The following PCDH15 variants were observed in gnomAD, a reference collection of about 807,000 sequenced individuals.
The protein encoded by PCDH15 is protocadherin related 15.
Under a neutral mutation model 178.5 loss-of-function variants are expected in PCDH15, and 129 were observed. The ratio of observed to expected loss-of-function variants is 0.72; its 90% CI spans 0.63 to 0.84. PCDH15 has a LOEUF of 0.84. PCDH15 is among the 40% of genes least tolerant of loss of function. The pLI is 0.00. For synonymous variants in PCDH15, 800 were observed against 732.0 expected (o/e 1.09, Z -1.50); for missense variants, 2,230 against 2,099.9 (o/e 1.06, Z -1.21).
intron 2 of PCDH15, among the ~76,000 whole-genome samples, chr10:55,113,272 T>C (rs760939279): frequency 1.3e-5 from 2 of 152,220 alleles, no homozygotes; most frequent in Non-Finnish European, 2.9e-5. Context: ...CATATTTTCT[T>C]GGTGTTTTCC....
chr10:54,107,928 G>T (rs973314898), intron 15 of PCDH15, among the ~76,000 whole-genome samples: 2 of 152,194 alleles, frequency 1.3e-5, no homozygotes, highest in Admixed American at 1.3e-4. Flanking sequence ...TTAGGACTGG[G>T]TCAGAATGGG....
chr10:53,815,396 T>A (rs1462687555), intron 35 of PCDH15, among the ~76,000 whole-genome samples: 1 of 152,176 alleles, frequency 6.6e-6, no homozygotes, highest in African/African-American at 2.4e-5. Context: ...GTTCAGCAGA[T>A]GTGTATCTTG....
At chr10:54,727,847 G>A (rs1415450514) in intron 1 of PCDH15, among the ~76,000 whole-genome samples, 2 of 151,326 alleles carry the variant, frequency 1.3e-5, no homozygotes, top group African/African-American at 2.4e-5. Context: ...GAATAAATAA[G>A]TTCCTGGAAT....
At chr10:54,963,038 C>A (rs1328824404) in intron 2 of PCDH15, among the ~76,000 whole-genome samples, 1 of 152,188 alleles carries the variant, frequency 6.6e-6, no homozygotes, top group Non-Finnish European at 1.5e-5. Flanking sequence ...TATAACACAT[C>A]TAATTTCATG....
At chr10:53,931,724 A>C (rs1435332864) in intron 25 of PCDH15, among the ~76,000 whole-genome samples, 1 of 152,182 alleles carries the variant, frequency 6.6e-6, no homozygotes, top group South Asian at 2.1e-4. Context: ...AAAAATTGTT[A>C]ATAGTACTAT....
chr10:53,818,334 A>T (rs1263957108), intron 33 of PCDH15: 3 of 193,216 alleles, frequency 1.6e-5, no homozygotes, highest in Non-Finnish European at 3.1e-5. Flanking sequence ...TGGATAAAAA[A>T]TATTATACAT....
intron 6 of PCDH15, among the ~76,000 whole-genome samples, chr10:54,335,362 G>T (rs1021559638): frequency 9.2e-5 from 14 of 152,128 alleles, no homozygotes; most frequent in African/African-American, 3.4e-4. Flanking sequence ...CAAAGTGGTC[G>T]CATACTCTGT....
intron 2 of PCDH15, among the ~76,000 whole-genome samples, chr10:55,351,331 T>C (rs1330889764): frequency 1.3e-5 from 2 of 151,936 alleles, no homozygotes; most frequent in Non-Finnish European, 2.9e-5. Context: ...AAAAAATAAG[T>C]GTTGTATTAT....
chr10:55,442,634 C>T (rs995282525), intron 2 of PCDH15, among the ~76,000 whole-genome samples: 4 of 150,586 alleles, frequency 2.7e-5, no homozygotes, highest in African/African-American at 9.7e-5. Context: ...GTTTCTGAAA[C>T]TTTTAATTAA....
At chr10:54,127,631 T>C (rs1225276916) in intron 15 of PCDH15, among the ~76,000 whole-genome samples, 1 of 152,232 alleles carries the variant, frequency 6.6e-6, no homozygotes, top group African/African-American at 2.4e-5. Flanking sequence ...AATTGTTAAC[T>C]CTTATAGTAC....
Position 55,341,805 on chromosome 10 carries a change from ATTTTTTTTTTTTTT to A in PCDH15, c.-155-175168_-155-175155del, listed in dbSNP as rs869187882. Among the ~76,000 whole-genome samples the A allele has an allele frequency of 2.2e-3, 36 of 16,318 alleles. No individual in the cohort carries two copies. In the East Asian group the frequency reaches 0.023, roughly 10 times the overall value. 10.7% of individuals were successfully genotyped at this position (16,318 alleles called of 152,430 possible). On this transcript the variant is annotated intron_variant, in intron 2 of 5. Transcript: ENST00000613346. ...TATATATATATATATATATATATAT[ATTTTTTTTTTTTTT>A]TTTTTTTTTTTTAGTAGAGATGGGG...
At chr10:54,420,290 AT>A (rs1565225561) in intron 3 of PCDH15, among the ~76,000 whole-genome samples, 1 of 152,054 alleles carries the variant, frequency 6.6e-6, no homozygotes, top group African/African-American at 2.4e-5. Flanking sequence ...TGGAGCTTGT[AT>A]TTTACTTCAT....
chr10:53,901,050 G>A (rs532793854), intron 26 of PCDH15, among the ~76,000 whole-genome samples: 1 of 152,144 alleles, frequency 6.6e-6, no homozygotes, highest in Admixed American at 6.6e-5. Context: ...ATGGTTCAGG[G>A]ACCTTGCATT....
chr10:53,803,936 T>C lies in PCDH15; in HGVS notation c.*2643A>G, dbSNP rs560965337. 1.1e-4 allele frequency: 16 copies of C among 152,074 alleles called. No individual in the cohort carries two copies. Among genetic ancestry groups the C allele is most frequent in the Admixed American group, 5.3e-4 (8 of 15,236 alleles). The allele number at this position is 152,074 out of a possible 1,614,324, so 9.4% of individuals were successfully genotyped here. ...ACCAATTTCTTTATAAATATTTACA[T>C]TGAAACGTTATTTATATGAAGTATT... is the stretch of plus-strand genomic sequence containing the variant. On this transcript the variant is annotated 3_prime_UTR_variant, in exon 38 of 38. Transcript: ENST00000644397.
chr10:55,586,262 C>T (rs949609880), intron 2 of PCDH15, among the ~76,000 whole-genome samples: 1 of 151,938 alleles, frequency 6.6e-6, no homozygotes, highest in Non-Finnish European at 1.5e-5. Flanking sequence ...ATCTAACTTA[C>T]TACGAACCCC....
intron 8 of PCDH15, among the ~76,000 whole-genome samples, chr10:54,310,462 A>G (rs1267407671): frequency 6.6e-6 from 1 of 152,022 alleles, no homozygotes; most frequent in Non-Finnish European, 1.5e-5. Flanking sequence ...TTGGAGATTG[A>G]TTGAGTTTGG....
At chr10:55,355,095 T>A (rs1426026540) in intron 2 of PCDH15, among the ~76,000 whole-genome samples, 1 of 152,050 alleles carries the variant, frequency 6.6e-6, no homozygotes, top group Admixed American at 6.6e-5. Flanking sequence ...CCATTCATTT[T>A]TATTTCTGGG....
intron 2 of PCDH15, among the ~76,000 whole-genome samples, chr10:55,092,821 C>T (rs959541938): frequency 6.6e-6 from 1 of 151,882 alleles, no homozygotes; most frequent in South Asian, 2.1e-4. Flanking sequence ...AATACATAAT[C>T]TAGACTCACA....
chr10:53,846,502 GAATA>G (rs1343257560), intron 28 of PCDH15, among the ~76,000 whole-genome samples: 2 of 151,448 alleles, frequency 1.3e-5, no homozygotes, highest in African/African-American at 2.4e-5. Flanking sequence ...AACCTTCTTA[GAATA>G]AATGCTGAAA....
Sources: gnomAD v4.1 joint callset for allele counts (sites outside exome capture counted in the v4.1 genomes callset) on GRCh38, gnomAD v4.1.1 for gene constraint, MANE v1.5 for transcripts, NCBI Gene and HGNC (gene_info 2026-07-23, HGNC 2026-07-21) for gene names.